SRR: variants seen among roughly 807,000 people sequenced by gnomAD.
SRR encodes the protein D-serine ammonia-lyase.
Under a neutral mutation model 32.7 loss-of-function variants are expected in SRR, and 19 were observed. That is an observed-to-expected ratio of 0.58 (90% CI 0.40 to 0.85). The LOEUF is 0.85. Among genes scored for constraint, SRR ranks in the 40% least tolerant of loss-of-function variants. The probability of loss-of-function intolerance (pLI) is 0.00; values close to 1 mark genes in which losing one functional copy is unlikely to be tolerated. For missense variants in SRR, 373 were observed against 404.7 expected, an observed-to-expected ratio of 0.92 and a Z score of 0.67; for synonymous variants, 142 against 140.9, an observed-to-expected ratio of 1.01 and a Z score of -0.06.
chr17:2,313,115 A>G (rs146579779), intron 1 of SRR, among the ~76,000 whole-genome samples: 4 of 152,150 alleles, frequency 2.6e-5, no homozygotes, highest in Non-Finnish European at 4.4e-5. Context: ...TTTGTAAAAG[A>G]AGTACTATTA....
chr17:2,321,494 T>A (rs774886242), intron 5 of SRR, 48 bp from the exon 6 acceptor site: 3 of 1,612,814 alleles, frequency 1.9e-6, no homozygotes, highest in Non-Finnish European at 2.5e-6. Context: ...TTATTTTATA[T>A]GTATACATTA....
In SRR at chr17:2,307,640, C is replaced by T. The variant is rs1597257474; in HGVS notation, c.-5+3623C>T. 9.4e-6 allele frequency: 9 copies of T among 958,724 alleles called. No homozygotes were observed. The East Asian group carries it at 2.2e-4, about 23-fold the overall frequency. 59.4% of individuals were successfully genotyped at this position (958,724 alleles called of 1,614,324 possible). On this transcript the variant is annotated intron_variant, in intron 1 of 7. Coordinates refer to ENST00000344595, the MANE Select transcript of SRR (RefSeq NM_021947.3). ...GCCCCTATGGTGGTGCAGGCCAATA[C>T]TTTACCAAACCACGAAACCAAGGTG... is the stretch of plus-strand genomic sequence containing the variant.
Position 2,324,606 on chromosome 17 carries a change from G to A in SRR, c.*733G>A, listed in dbSNP as rs1340546835. On this transcript the variant is annotated 3_prime_UTR_variant, in exon 8 of 8. Transcript: ENST00000344595. ...TAGAATCAAACACATTAAAGACCAAGATGAAACATTTACCCACAAAATGTA... is the reference window on the plus strand; with the variant it reads ...TAGAATCAAACACATTAAAGACCAAAATGAAACATTTACCCACAAAATGTA... 2 of 1,614,076 alleles carry A rather than the reference G, an allele frequency of 1.2e-6. No individual in the cohort carries two copies. Among genetic ancestry groups the A allele is most frequent in the Admixed American group, 3.3e-5 (2 of 60,010 alleles).
At chr17:2,304,944 C>T (rs2075373470) in intron 1 of SRR, among the ~76,000 whole-genome samples, 1 of 152,154 alleles carries the variant, frequency 6.6e-6, no homozygotes, top group Non-Finnish European at 1.5e-5. Flanking sequence ...TCCCCAAGGC[C>T]TCCTGCCTCC....
chr17:2,321,534 C>A lies in SRR; in HGVS notation c.520-8C>A. On this transcript the variant is annotated splice_polypyrimidine_tract_variant and splice_region_variant and intron_variant, in intron 5 of 7. Coordinates refer to ENST00000344595, the MANE Select transcript of SRR (RefSeq NM_021947.3). ...TAAAACTGCTTACAGTTTATATTTT[C>A]ACTAAAGGTTCCTTTGGTGGATGCA... 6.2e-7 allele frequency: 1 copy of A among 1,613,984 alleles called. No homozygotes were observed. The highest frequency in any genetic ancestry group is 8.5e-7 in the Non-Finnish European group (1 of 1,179,950).
upstream of SRR, chr17:2,303,882 C>G (rs1269869293): frequency 1.9e-6 from 1 of 533,638 alleles, no homozygotes; most frequent in East Asian, 3.8e-5. Flanking sequence ...GGAGGAAAAG[C>G]GCCCGCCGCC....
At chr17:2,314,872 T>TA (rs967194467) in intron 1 of SRR, among the ~76,000 whole-genome samples, 1 of 151,636 alleles carries the variant, frequency 6.6e-6, no homozygotes, top group Non-Finnish European at 1.5e-5. Flanking sequence ...TATTAAAAAT[T>TA]AAAAATTTAA....
chr17:2,305,042 G>C (rs957212418), intron 1 of SRR, among the ~76,000 whole-genome samples: 3 of 152,134 alleles, frequency 2.0e-5, no homozygotes, highest in Admixed American at 6.5e-5. Flanking sequence ...GAGCCGAAGG[G>C]ATTGCCACAA....
chr17:2,322,921 C>T lies in SRR; in HGVS notation c.595-215C>T, dbSNP rs140491317. 638 of 514,510 alleles carry T rather than the reference C, an allele frequency of 1.2e-3. 2 individuals carry two copies. Among genetic ancestry groups the T allele is most frequent in the Admixed American group, 1.9e-3 (60 of 31,166 alleles). 31.9% of individuals were successfully genotyped at this position (514,510 alleles called of 1,614,324 possible). ...CTGGGATTACAGGGGTCTGCCACCA[C>T]GCCTGGCTGATTTTCCTATTTTTAG... On this transcript the variant is annotated intron_variant, in intron 6 of 7. Transcript: ENST00000344595.
At chr17:2,316,740 T>C (rs1299858360) in intron 2 of SRR, among the ~76,000 whole-genome samples, 2 of 151,878 alleles carry the variant, frequency 1.3e-5, no homozygotes, top group East Asian at 3.9e-4. Context: ...TGAGACGGAG[T>C]CTCACTCTGT....
chr17:2,312,789 C>T (rs1200250623), intron 1 of SRR, among the ~76,000 whole-genome samples: 1 of 152,058 alleles, frequency 6.6e-6, no homozygotes, highest in Non-Finnish European at 1.5e-5. Flanking sequence ...TACAAAATAC[C>T]ATTTGGTGAA....
At chr17:2,318,619 A>ATTT (rs35847724) in intron 3 of SRR, among the ~76,000 whole-genome samples, 6 of 92,528 alleles carry the variant, frequency 6.5e-5, no homozygotes, top group South Asian at 4.1e-4. Flanking sequence ...ATGCCTGGCT[A>ATTT]TTTTTTTTTT....
chr17:2,305,040 G>A (rs2075375147), intron 1 of SRR, among the ~76,000 whole-genome samples: 1 of 152,174 alleles, frequency 6.6e-6, no homozygotes, highest in Non-Finnish European at 1.5e-5. Flanking sequence ...CTGAGCCGAA[G>A]GGATTGCCAC....
upstream of SRR, chr17:2,303,676 C>G: frequency 6.7e-7 from 1 of 1,495,992 alleles, no homozygotes; most frequent in Non-Finnish European, 8.9e-7. Context: ...GGATCCCGCG[C>G]AGCTCCGACG....
intron 3 of SRR, 122 bp downstream of exon 3, chr17:2,318,118 C>A: frequency 4.4e-6 from 5 of 1,144,284 alleles, no homozygotes; most frequent in Non-Finnish European, 4.8e-6. Flanking sequence ...TATCTGATTG[C>A]AAGCAATATG....
At chr17:2,310,600 A>C (rs904605989) in intron 1 of SRR, among the ~76,000 whole-genome samples, 1 of 151,438 alleles carries the variant, frequency 6.6e-6, no homozygotes, top group Non-Finnish European at 1.5e-5. Flanking sequence ...TTTTTTTGAG[A>C]CAGAGTCTCA....
chr17:2,310,739 T>C (rs2075427701), intron 1 of SRR, among the ~76,000 whole-genome samples: 1 of 150,890 alleles, frequency 6.6e-6, no homozygotes, highest in South Asian at 2.1e-4. Flanking sequence ...CCACTACTCC[T>C]GGCTAATTTT....
At chr17:2,319,341 T>C (rs2075504868) in intron 4 of SRR, among the ~76,000 whole-genome samples, 1 of 152,206 alleles carries the variant, frequency 6.6e-6, no homozygotes, top group South Asian at 2.1e-4. Context: ...TCATCTTTTT[T>C]TGAAAATTTT....
intron 4 of SRR, among the ~76,000 whole-genome samples, chr17:2,319,975 T>C (rs562070443): frequency 2.8e-4 from 42 of 151,538 alleles, no homozygotes; most frequent in East Asian, 2.4e-3. Context: ...CCTGCCACCA[T>C]GCCCAGCTAA....
Sources: allele counts gnomAD v4.1 joint callset (sites outside exome capture counted in the v4.1 genomes callset), GRCh38; gene constraint gnomAD v4.1.1; transcripts MANE v1.5; gene names NCBI Gene and HGNC (gene_info 2026-07-23, HGNC 2026-07-21).